The following CEP83 variants were observed in gnomAD, a reference collection of about 807,000 sequenced individuals.
CEP83 encodes centrosomal protein of 83 kDa.
CEP83 carries 70 observed loss-of-function variants against 101.9 expected under a neutral mutation model. The observed-to-expected ratio is 0.69, with a 90% confidence interval of 0.57 to 0.84. The LOEUF (loss-of-function observed/expected upper bound fraction) is 0.84. Among genes scored for constraint, CEP83 ranks in the 40% least tolerant of loss-of-function variants. The pLI is 0.00. For synonymous variants in CEP83, 264 were observed against 267.9 expected (o/e 0.99, Z 0.14); for missense variants, 715 against 787.2 (o/e 0.91, Z 1.10).
At chr12:94,449,299 G>C (rs2067048842) in intron 1 of CEP83, among the ~76,000 whole-genome samples, 1 of 152,048 alleles carries the variant, frequency 6.6e-6, no homozygotes, top group Non-Finnish European at 1.5e-5. Context: ...TTCCCACAAA[G>C]AAATGGCCAG....
intron 1 of CEP83, among the ~76,000 whole-genome samples, chr12:94,450,718 A>G (rs1480550465): frequency 6.6e-6 from 1 of 152,254 alleles, no homozygotes; most frequent in African/African-American, 2.4e-5. Flanking sequence ...GAAAGATCTA[A>G]GTAAATGGAG....
intron 8 of CEP83, among the ~76,000 whole-genome samples, chr12:94,371,996 CAG>C (rs2137066055): frequency 6.6e-6 from 1 of 152,232 alleles, no homozygotes; most frequent in East Asian, 1.9e-4. Flanking sequence ...TTTTCTGAGA[CAG>C]AGTCTCGCTC....
chr12:94,358,348 G>GA (rs1565980767), intron 11 of CEP83, among the ~76,000 whole-genome samples: 2 of 151,042 alleles, frequency 1.3e-5, no homozygotes, highest in Non-Finnish European at 3.0e-5. Context: ...TACGGGACTA[G>GA]AAAAAAAAAT....
chr12:94,337,318 G>A (rs995090636), intron 11 of CEP83, among the ~76,000 whole-genome samples: 3 of 152,202 alleles, frequency 2.0e-5, no homozygotes, highest in Non-Finnish European at 4.4e-5. Context: ...CATTGTGGTA[G>A]ACTATAGAAG....
intron 6 of CEP83, among the ~76,000 whole-genome samples, chr12:94,397,573 C>A (rs1280272774): frequency 6.6e-6 from 1 of 152,064 alleles, no homozygotes; most frequent in East Asian, 1.9e-4. Flanking sequence ...ATCACTTAGT[C>A]CTTCATAAGT....
At chr12:94,319,303 T>C (rs1971229966) in intron 14 of CEP83, among the ~76,000 whole-genome samples, 1 of 152,210 alleles carries the variant, frequency 6.6e-6, no homozygotes, top group South Asian at 2.1e-4. Flanking sequence ...CTCATTTTTC[T>C]TCATTAGGCT....
intron 2 of CEP83, chr12:94,424,208 G>T (rs1045658836): frequency 6.2e-7 from 1 of 1,610,012 alleles, no homozygotes; most frequent in East Asian, 2.2e-5. Context: ...AAGAGCTGTG[G>T]TGGGGTCATA....
chr12:94,453,438 G>A (rs768776121), intron 1 of CEP83, among the ~76,000 whole-genome samples: 1 of 152,100 alleles, frequency 6.6e-6, no homozygotes, highest in Non-Finnish European at 1.5e-5. Flanking sequence ...TCTAGGCCAG[G>A]TATTCTTCCT....
intron 14 of CEP83, among the ~76,000 whole-genome samples, chr12:94,329,560 A>G (rs945895559): frequency 6.6e-6 from 1 of 152,224 alleles, no homozygotes; most frequent in African/African-American, 2.4e-5. Context: ...TTTTGCTTCA[A>G]AAGAATTCAA....
chr12:94,301,723 G>C (rs1397339328), downstream of CEP83, among the ~76,000 whole-genome samples: 1 of 150,238 alleles, frequency 6.7e-6, no homozygotes, highest in African/African-American at 2.5e-5. Context: ...GGAATGAATG[G>C]AGACTGATGT....
chr12:94,272,836 G>C, the CEP83 span, among the ~76,000 whole-genome samples: 1 of 152,242 alleles, frequency 6.6e-6, no homozygotes, highest in African/African-American at 2.4e-5. Flanking sequence ...AGTGGGTTCT[G>C]TGGGGTTCAA....
In CEP83 at chr12:94,318,435, G is replaced by A. The variant is rs1193176837; in HGVS notation, c.1708-5418C>T. On this transcript the variant is annotated intron_variant, in intron 14 of 16. Coordinates refer to ENST00000397809, the MANE Select transcript of CEP83 (RefSeq NM_016122.3). ...TTCTCTTGCCTAACTACTCTGGCCA[G>A]GACTTTTAATACTATGTTGAATGGG... Among the ~76,000 whole-genome samples the A allele has an allele frequency of 2.0e-5, 3 of 152,112 alleles. 1 individual carries two copies. Among genetic ancestry groups the A allele is most frequent in the Admixed American group, 1.3e-4 (2 of 15,264 alleles).
intron 8 of CEP83, among the ~76,000 whole-genome samples, chr12:94,373,296 A>G (rs1165611781): frequency 6.6e-6 from 1 of 152,214 alleles, no homozygotes; most frequent in Non-Finnish European, 1.5e-5. Context: ...CAATGGAAGT[A>G]TTCAGATATT....
At chr12:94,456,029 C>T (rs1023429580) in intron 1 of CEP83, among the ~76,000 whole-genome samples, 11 of 141,290 alleles carry the variant, frequency 7.8e-5, no homozygotes, top group East Asian at 4.1e-4. Context: ...GCCTGGGCGA[C>T]AGAGCAAAAC....
intron 11 of CEP83, among the ~76,000 whole-genome samples, chr12:94,346,125 C>T (rs1339386705): frequency 6.6e-6 from 1 of 152,134 alleles, no homozygotes; most frequent in African/African-American, 2.4e-5. Context: ...TCTCGGCTCA[C>T]TGCAACCTCT....
intron 8 of CEP83, 102 bp from the exon 9 acceptor site, chr12:94,370,138 G>GTAGA: frequency 2.9e-6 from 2 of 688,746 alleles, no homozygotes; most frequent in Non-Finnish European, 5.2e-6. Flanking sequence ...TGGTAGTAAA[G>GTAGA]TAGAGTCTAA....
the CEP83 span, among the ~76,000 whole-genome samples, chr12:94,282,997 G>C: frequency 8.5e-5 from 13 of 152,302 alleles, no homozygotes; most frequent in African/African-American, 3.1e-4. Context: ...AGGCAGTGAA[G>C]GTTCCTGAAC....
the CEP83 span, among the ~76,000 whole-genome samples, chr12:94,299,905 C>G: frequency 6.6e-6 from 1 of 152,120 alleles, no homozygotes; most frequent in South Asian, 2.1e-4. Flanking sequence ...CACATCAAGA[C>G]TGGGAGCTGA....
At chr12:94,451,397 A>G (rs1271409778) in intron 1 of CEP83, among the ~76,000 whole-genome samples, 1 of 151,082 alleles carries the variant, frequency 6.6e-6, no homozygotes, top group East Asian at 1.9e-4. Context: ...TGCAAATCTT[A>G]TCTCTGATAT....
Sources: gnomAD v4.1 joint callset for allele counts (sites outside exome capture counted in the v4.1 genomes callset) on GRCh38, gnomAD v4.1.1 for gene constraint, MANE v1.5 for transcripts, NCBI Gene and HGNC (gene_info 2026-07-23, HGNC 2026-07-21) for gene names.